MYL2: variants seen among roughly 807,000 people sequenced by gnomAD.
MYL2 encodes the protein myosin regulatory light chain 2, ventricular/cardiac muscle isoform.
MYL2 carries 19 observed loss-of-function variants against 23.0 expected under a neutral mutation model. The ratio of observed to expected loss-of-function variants is 0.83; its 90% CI spans 0.58 to 1.21. The LOEUF is 1.21. Ranked by LOEUF, MYL2 falls within the 50% of genes most tolerant of loss-of-function variation. The pLI is 0.00. For missense variants in MYL2, 180 were observed against 215.1 expected (o/e 0.84, Z 1.02); for synonymous variants, 78 against 76.2 (o/e 1.02, Z -0.13).
chr12:110,913,427 A>G, intron 4 of MYL2, 103 bp from the exon 5 acceptor site: 1 of 1,203,616 alleles, frequency 8.3e-7, no homozygotes, highest in Non-Finnish European at 1.2e-6. Context: ...GGGCCAGAGC[A>G]AGGCTGCTTT....
At chr12:110,913,348 A>T (rs751973852) in intron 4 of MYL2, 24 bp from the exon 5 acceptor site, 1 of 1,613,958 alleles carries the variant, frequency 6.2e-7, no homozygotes, top group East Asian at 2.2e-5. Context: ...CAGGGCTTAC[A>T]TGTACTGGGG....
At chr12:110,914,095 T>C (rs2071672690) in intron 4 of MYL2, 91 bp downstream of exon 4, 1 of 1,019,992 alleles carries the variant, frequency 9.8e-7, no homozygotes, top group South Asian at 1.3e-5. Context: ...AATGGTGCTT[T>C]ATCTCTTTTA....
upstream of MYL2, among the ~76,000 whole-genome samples, chr12:110,921,430 G>C (rs1013849913): frequency 6.6e-6 from 1 of 152,208 alleles, no homozygotes; most frequent in Non-Finnish European, 1.5e-5. Flanking sequence ...TCTGCACAGC[G>C]TGAGGCAGTC....
intron 2 of MYL2, among the ~76,000 whole-genome samples, chr12:110,917,326 G>C (rs1431813626): frequency 2.6e-5 from 4 of 152,006 alleles, no homozygotes; most frequent in Non-Finnish European, 5.9e-5. Flanking sequence ...CAGGTGCAGT[G>C]GCTCACGCCT....
At chr12:110,919,642 T>G (rs2071707740) in intron 1 of MYL2, among the ~76,000 whole-genome samples, 1 of 152,160 alleles carries the variant, frequency 6.6e-6, no homozygotes, top group African/African-American at 2.4e-5. Flanking sequence ...TGACAGTTCT[T>G]CAAGGTGTTA....
chr12:110,919,123 T>C lies in MYL2; in HGVS notation c.74A>G (p.Gln25Arg), dbSNP rs1469796561. 1 of 1,614,028 alleles carries C rather than the reference T, an allele frequency of 6.2e-7. No homozygotes were observed. Among genetic ancestry groups the C allele is most frequent in the East Asian group, 2.2e-5 (1 of 44,890 alleles). The change falls in exon 2 of 7, where the codon CAA (glutamine) becomes CGA (arginine). Residue 25 changes from glutamine to arginine, a missense_variant. Coordinates refer to ENST00000228841, the MANE Select transcript of MYL2 (RefSeq NM_000432.4). ...ACCCACCTCCTTAAATTCCTGGATTTGGGTCTGTTCGAACATGGAGAACAC... is the reference window on the plus strand; with the variant it reads ...ACCCACCTCCTTAAATTCCTGGATTCGGGTCTGTTCGAACATGGAGAACAC... ...SNVFSMFEQT[Q>R]IQEFKEAFTI... is the part of the protein sequence containing the mutation.
Position 110,913,306 on chromosome 12 carries a change from G to C in MYL2, c.293C>G (p.Thr98Ser). The C allele has an allele frequency of 1.2e-6, 2 of 1,614,206 alleles. No homozygotes were observed. Among genetic ancestry groups the C allele is most frequent in the Non-Finnish European group, 1.7e-6 (2 of 1,180,050 alleles). ...EKLKGADPEE[T>S]ILNAFKVFDP... ...AAACACTTTGAATGCGTTGAGAATG[G>C]TTTCCTCAGGGTCCGCTCCTGAAAC... is the stretch of plus-strand genomic sequence containing the variant. Residue 98 changes from threonine to serine, a missense_variant, in exon 5 of 7, where the codon ACC becomes AGC. Transcript: ENST00000228841.
chr12:110,913,024 A>AG (rs1364343772), intron 6 of MYL2, 72 bp downstream of exon 6: 34 of 1,522,822 alleles, frequency 2.2e-5, no homozygotes, highest in Non-Finnish European at 2.8e-5. Context: ...TTTAGACGAG[A>AG]GGGGAGACGG....
At position 110,911,038 on chromosome 12, in the gene MYL2, C is replaced by T. The variant is rs1378435711; in HGVS notation, c.*39G>A. Reference sequence around the variant, plus strand: ...GAGAGAGATGAGGGCAGGGACCACTCTGCAAAGACGAGCCCAGGGCGCAGC... The same window carrying T: ...GAGAGAGATGAGGGCAGGGACCACTTTGCAAAGACGAGCCCAGGGCGCAGC... On this transcript the variant is annotated 3_prime_UTR_variant, in exon 7 of 7. Transcript: ENST00000228841. 2 of 1,574,254 alleles carry T rather than the reference C, an allele frequency of 1.3e-6. No individual in the cohort carries two copies. The highest frequency in any genetic ancestry group is 1.1e-5 in the South Asian group (1 of 90,250).
intron 3 of MYL2, among the ~76,000 whole-genome samples, chr12:110,915,019 C>T (rs1432995401): frequency 6.6e-6 from 1 of 152,136 alleles, no homozygotes; most frequent in Non-Finnish European, 1.5e-5. Flanking sequence ...TCTGATTTAC[C>T]TGCTCTAGTC....
chr12:110,912,845 G>T (rs1233402252), intron 6 of MYL2, among the ~76,000 whole-genome samples: 1 of 152,212 alleles, frequency 6.6e-6, no homozygotes, highest in Non-Finnish European at 1.5e-5. Context: ...GATTACAGGT[G>T]TGATTATTGT....
In MYL2 at chr12:110,914,238, C is replaced by A; in HGVS notation, c.222G>T (p.Pro74=). 5 of 1,614,074 alleles carry A rather than the reference C, an allele frequency of 3.1e-6. No individual in the cohort carries two copies. The highest frequency in any genetic ancestry group is 3.4e-6 in the Non-Finnish European group (4 of 1,180,016). Residue 74 remains proline (P), a synonymous_variant, in exon 4 of 7, where the codon CCG becomes CCT. Coordinates refer to ENST00000228841, the MANE Select transcript of MYL2 (RefSeq NM_000432.4). ...GGAACACAGTAAAGTTAATTGGACC[C>A]GGAGCCTCCTTGATCATTTCATCAA... is the stretch of plus-strand genomic sequence containing the variant. ...EEIDEMIKEA[P]GPINFTVFLT...
chr12:110,915,254 C>G (rs1162721074), intron 3 of MYL2, among the ~76,000 whole-genome samples: 6 of 152,092 alleles, frequency 3.9e-5, no homozygotes, highest in African/African-American at 1.4e-4. Context: ...GAAGAAACTC[C>G]ATGTACTCAT....
At chr12:110,915,050 T>C (rs1001118295) in intron 3 of MYL2, among the ~76,000 whole-genome samples, 1 of 152,222 alleles carries the variant, frequency 6.6e-6, no homozygotes, top group African/African-American at 2.4e-5. Context: ...CCTAACTTTG[T>C]GCAAATAAGA....
chr12:110,911,692 C>T (rs924049412), intron 6 of MYL2, among the ~76,000 whole-genome samples: 2 of 152,136 alleles, frequency 1.3e-5, no homozygotes, highest in African/African-American at 4.8e-5. Context: ...TTCCGAGGGG[C>T]CAGGCAGGTT....
chr12:110,920,428 A>T, intron 1 of MYL2, 99 bp downstream of exon 1: 1 of 1,573,256 alleles, frequency 6.4e-7, no homozygotes, highest in Non-Finnish European at 8.7e-7. Context: ...GGAGGCTTTG[A>T]GGGCCGCCTT....
chr12:110,913,196 G>C (rs1388177247), intron 5 of MYL2, 50 bp downstream of exon 5: 3 of 1,610,300 alleles, frequency 1.9e-6, no homozygotes, highest in Non-Finnish European at 2.5e-6. Context: ...GTGTAGGGGG[G>C]ACAGGGGGCA....
rs1314943556 is a variant in MYL2, at chr12:110,918,070, G to A, written c.93+1034C>T. Among the ~76,000 whole-genome samples, 3 of 152,130 alleles carry A rather than the reference G, an allele frequency of 2.0e-5. No individual in the cohort carries two copies. Among genetic ancestry groups the A allele is most frequent in the South Asian group, 2.1e-4 (1 of 4,818 alleles). The stretch of plus-strand genomic sequence containing the variant: ...TGCACTCTAGCCTGGGTGACAGAGC[G>A]AGACTCTGTCACACGCACAAAAAAA... On this transcript the variant is annotated intron_variant, in intron 2 of 6. Transcript: ENST00000228841. This position sits in a 1 kb window ranked among gnomAD's most constrained non-coding sequence, Gnocchi z 4.4.
Position 110,913,382 on chromosome 12 carries a change from C to T in MYL2, c.275-58G>A, listed in dbSNP as rs2071629. 121,236 of 1,586,164 alleles carry T rather than the reference C, an allele frequency of 0.076. 5,504 individuals are homozygous for T. Among genetic ancestry groups the T allele is most frequent in the East Asian group, 0.22 (9,829 of 44,708 alleles). On this transcript the variant is annotated intron_variant, in intron 4 of 6. Coordinates refer to ENST00000228841, the MANE Select transcript of MYL2 (RefSeq NM_000432.4). ...GGGTGGCTGGGAACCACTGGCACCC[C>T]AGGCAGCAGGGCCCAAGTTCCCCCA...
Sources: gnomAD v4.1 joint callset for allele counts (sites outside exome capture counted in the v4.1 genomes callset) on GRCh38, gnomAD v4.1.1 for gene constraint, Gnocchi (gnomAD v3.1) non-coding constraint, MANE v1.5 for transcripts, NCBI Gene and HGNC (gene_info 2026-07-23, HGNC 2026-07-21) for gene names.